The following IMMP2L variants were observed in gnomAD, a reference collection of about 807,000 sequenced individuals.
IMMP2L encodes the protein mitochondrial inner membrane protease subunit 2.
IMMP2L carries 18 observed loss-of-function variants against 19.3 expected under a neutral mutation model. That is an observed-to-expected ratio of 0.93 (90% CI 0.64 to 1.38). The LOEUF is 1.38. Ranked by LOEUF, IMMP2L falls within the 40% of genes most tolerant of loss-of-function variation. The probability of loss-of-function intolerance (pLI) is 0.00; values close to 1 mark genes in which losing one functional copy is unlikely to be tolerated. For synonymous variants in IMMP2L, 76 were observed against 73.0 expected, an observed-to-expected ratio of 1.04 and a Z score of -0.21; for missense variants, 233 against 218.2, an observed-to-expected ratio of 1.07 and a Z score of -0.43.
At chr7:110,842,918 G>C (rs755822181) in intron 5 of IMMP2L, among the ~76,000 whole-genome samples, 1 of 152,090 alleles carries the variant, frequency 6.6e-6, no homozygotes, top group South Asian at 2.1e-4. Context: ...GGGCAGAGCA[G>C]GCTACCCGAA....
chr7:110,896,142 CAA>C (rs935750677), intron 4 of IMMP2L, among the ~76,000 whole-genome samples: 1 of 151,998 alleles, frequency 6.6e-6, no homozygotes, highest in Non-Finnish European at 1.5e-5. Flanking sequence ...AAAGTAATGA[CAA>C]AAACCACAAT....
At chr7:111,030,910 A>G (rs1302603480) in intron 3 of IMMP2L, among the ~76,000 whole-genome samples, 20 of 105,702 alleles carry the variant, frequency 1.9e-4, no homozygotes, top group Non-Finnish European at 3.5e-4. Context: ...ATATATATAT[A>G]TATATATATA....
chr7:111,300,936 T>A (rs1178283336), intron 3 of IMMP2L, among the ~76,000 whole-genome samples: 1 of 152,132 alleles, frequency 6.6e-6, no homozygotes, highest in African/African-American at 2.4e-5. Flanking sequence ...TAAGTTTTCA[T>A]CACTCTCAGA....
chr7:110,970,136 T>G (rs1244698799), intron 3 of IMMP2L, among the ~76,000 whole-genome samples: 1 of 151,842 alleles, frequency 6.6e-6, no homozygotes, highest in African/African-American at 2.4e-5. Flanking sequence ...TCAATTAAAT[T>G]TGTATTTATG....
chr7:111,125,485 A>G (rs1801197965), intron 3 of IMMP2L: 1 of 166,794 alleles, frequency 6.0e-6, no homozygotes, highest in African/African-American at 2.4e-5. Context: ...TTTAAATGAT[A>G]AAGTTTTTAA....
chr7:110,733,362 G>GA (rs1280447461), intron 5 of IMMP2L, among the ~76,000 whole-genome samples: 2 of 152,050 alleles, frequency 1.3e-5, no homozygotes, highest in Admixed American at 6.5e-5. Context: ...CCTGTCAAGG[G>GA]AACCTCTGCG....
intron 3 of IMMP2L, among the ~76,000 whole-genome samples, chr7:111,486,343 A>G (rs1424180264): frequency 1.3e-5 from 2 of 152,174 alleles, no homozygotes; most frequent in Non-Finnish European, 2.9e-5. Flanking sequence ...GCTTTTACCA[A>G]TTATAAATTA....
At chr7:111,074,357 C>A (rs1795211772) in intron 3 of IMMP2L, among the ~76,000 whole-genome samples, 1 of 152,182 alleles carries the variant, frequency 6.6e-6, no homozygotes, top group South Asian at 2.1e-4. Context: ...ATTTGCTTTT[C>A]ATAAACACCA....
At chr7:110,692,994 G>A (rs1250984487) in intron 5 of IMMP2L, among the ~76,000 whole-genome samples, 1 of 152,144 alleles carries the variant, frequency 6.6e-6, no homozygotes, top group Non-Finnish European at 1.5e-5. Context: ...CTCCCAGGGT[G>A]CTCCTTTGAA....
At chr7:111,047,368 A>T (rs902459787) in intron 3 of IMMP2L, among the ~76,000 whole-genome samples, 1 of 151,900 alleles carries the variant, frequency 6.6e-6, no homozygotes, top group African/African-American at 2.4e-5. Context: ...TTGTATTTTT[A>T]GTACAGAAGG....
At chr7:110,865,434 A>G (rs1807887231) in intron 5 of IMMP2L, among the ~76,000 whole-genome samples, 1 of 151,998 alleles carries the variant, frequency 6.6e-6, no homozygotes, top group African/African-American at 2.4e-5. Flanking sequence ...TTTCATCAAC[A>G]TTTACTCTGA....
At chr7:111,235,330 G>T (rs1332559957) in intron 3 of IMMP2L, among the ~76,000 whole-genome samples, 1 of 152,000 alleles carries the variant, frequency 6.6e-6, no homozygotes, top group Non-Finnish European at 1.5e-5. Context: ...AATTAGCCGA[G>T]CGTGGTGGTG....
chr7:111,505,983 A>T (rs923727305), intron 2 of IMMP2L, among the ~76,000 whole-genome samples: 1 of 151,986 alleles, frequency 6.6e-6, no homozygotes, highest in East Asian at 1.9e-4. Flanking sequence ...TAATAAAATT[A>T]AAAAAGAAAG....
intron 4 of IMMP2L, among the ~76,000 whole-genome samples, chr7:110,912,843 G>A (rs966361219): frequency 5.9e-5 from 9 of 151,888 alleles, no homozygotes; most frequent in African/African-American, 2.2e-4. Context: ...ACTGATGCCT[G>A]AGATACCCTC....
intron 4 of IMMP2L, among the ~76,000 whole-genome samples, chr7:110,956,363 A>C (rs1322661289): frequency 2.0e-5 from 3 of 151,958 alleles, no homozygotes; most frequent in African/African-American, 7.3e-5. Flanking sequence ...AGCAGTACAC[A>C]CTTCTTGACA....
chr7:111,277,895 T>A (rs1819275914), intron 3 of IMMP2L, among the ~76,000 whole-genome samples: 1 of 152,322 alleles, frequency 6.6e-6, no homozygotes, highest in African/African-American at 2.4e-5. Context: ...TACATTATGC[T>A]ATTCAGCCAT....
chr7:111,099,769 A>T (rs1223272584), intron 3 of IMMP2L: 1 of 151,736 alleles, frequency 6.6e-6, no homozygotes, highest in Admixed American at 6.6e-5. Flanking sequence ...ATAAAAGGTT[A>T]AAGTATTGTG....
chr7:110,723,560 G>T (rs1348371584), intron 5 of IMMP2L, among the ~76,000 whole-genome samples: 1 of 151,940 alleles, frequency 6.6e-6, no homozygotes, highest in African/African-American at 2.4e-5. Context: ...AATCTTCACT[G>T]ATTAGCAATT....
intron 5 of IMMP2L, among the ~76,000 whole-genome samples, chr7:110,866,479 T>C (rs1807993427): frequency 6.6e-6 from 1 of 151,908 alleles, no homozygotes. Flanking sequence ...CTGTGCCACC[T>C]GAGCTCTCTC....
Sources: allele counts gnomAD v4.1 joint callset (sites outside exome capture counted in the v4.1 genomes callset), GRCh38; gene constraint gnomAD v4.1.1; transcripts MANE v1.5; gene names NCBI Gene and HGNC (gene_info 2026-07-23, HGNC 2026-07-21).